CSGALNACT1: variants seen among roughly 807,000 people sequenced by gnomAD.
The protein encoded by CSGALNACT1 is beta4GalNAcT-1.
A neutral mutation model predicts 51.0 loss-of-function variants in CSGALNACT1; 52 were observed. The ratio of observed to expected loss-of-function variants is 1.02; its 90% CI spans 0.82 to 1.29. The LOEUF (loss-of-function observed/expected upper bound fraction) is 1.29, where lower values mean the gene tolerates loss of function less well. CSGALNACT1 is among the 50% of genes most tolerant of loss of function. CSGALNACT1 has a pLI of 0.00. For synonymous variants in CSGALNACT1, 341 were observed against 254.4 expected, an observed-to-expected ratio of 1.34 and a Z score of -3.24; for missense variants, 935 against 679.2, an observed-to-expected ratio of 1.38 and a Z score of -4.19.
At chr8:19,655,683 T>G (rs113727809) in intron 1 of CSGALNACT1, among the ~76,000 whole-genome samples, 7 of 152,160 alleles carry the variant, frequency 4.6e-5, no homozygotes, top group African/African-American at 1.7e-4. Flanking sequence ...CTCTCAAAGT[T>G]CTGGGATTAC....
At chr8:19,497,275 G>C (rs1333912772) in intron 4 of CSGALNACT1, among the ~76,000 whole-genome samples, 1 of 152,132 alleles carries the variant, frequency 6.6e-6, no homozygotes, top group African/African-American at 2.4e-5. Flanking sequence ...GAAGTACAGA[G>C]ACCTTCTCTG....
At position 19,466,473 on chromosome 8, in the gene CSGALNACT1, C is replaced by T. The variant is rs556099498; in HGVS notation, c.635-7831G>A. On this transcript the variant is annotated intron_variant, in intron 4 of 9. Coordinates refer to ENST00000454498, the Ensembl canonical transcript of CSGALNACT1. ...CTGCTTACTCTGTTCAAAAAAGGAA[C>T]CGGTAAATGCTTAGTATTTTACTCT... Among the ~76,000 whole-genome samples the T allele has an allele frequency of 3.3e-5, 5 of 152,276 alleles. No homozygotes were observed. The East Asian group carries it at 9.6e-4, about 29-fold the overall frequency.
At chr8:19,420,176 G>A (rs540334204) in intron 7 of CSGALNACT1, among the ~76,000 whole-genome samples, 164 bp downstream of exon 6, 132 of 152,172 alleles carry the variant, frequency 8.7e-4, no homozygotes, top group African/African-American at 2.8e-3. Context: ...TTTATTAGCC[G>A]CGTGAGAACA....
At chr8:19,662,512 C>T (rs185867575) in intron 1 of CSGALNACT1, among the ~76,000 whole-genome samples, 2 of 152,320 alleles carry the variant, frequency 1.3e-5, no homozygotes, top group Middle Eastern at 3.4e-3. Context: ...GAAAAAGGTT[C>T]ACATCATCTA....
chr8:19,612,900 G>A (rs78608664), intron 1 of CSGALNACT1, among the ~76,000 whole-genome samples: 3,163 of 119,652 alleles, frequency 0.026, 132 homozygotes, highest in African/African-American at 0.092. Context: ...TTCAGCACCC[G>A]TAAAACCTTC....
At chr8:19,695,033 C>T (rs2061517160) in intron 1 of CSGALNACT1, among the ~76,000 whole-genome samples, 1 of 152,116 alleles carries the variant, frequency 6.6e-6, no homozygotes. Flanking sequence ...CAGCTCACTC[C>T]TCCTCTGCTC....
chr8:19,636,016 C>T (rs930453060), intron 1 of CSGALNACT1, among the ~76,000 whole-genome samples: 1 of 152,132 alleles, frequency 6.6e-6, no homozygotes, highest in Non-Finnish European at 1.5e-5. Flanking sequence ...AGGCATGAGC[C>T]TGTTCATTCA....
Position 19,676,956 on chromosome 8 carries a change from A to C in CSGALNACT1, c.-544+5517T>G, listed in dbSNP as rs552189994. Among the ~76,000 whole-genome samples the C allele has an allele frequency of 7.9e-5, 12 of 152,338 alleles. No individual in the cohort carries two copies. In the South Asian group the frequency reaches 2.5e-3, roughly 32 times the overall value. On this transcript the variant is annotated intron_variant, in intron 1 of 9. Coordinates refer to the CSGALNACT1 transcript ENST00000332246. The stretch of plus-strand genomic sequence containing the variant: ...TGGATTTGACAATGAAAGAGTTATT[A>C]GTAGCATTGACAAGACCAGTCTCGT...
chr8:19,567,375 T>C (rs77870986), intron 3 of CSGALNACT1, among the ~76,000 whole-genome samples: 3,135 of 152,276 alleles, frequency 0.021, 116 homozygotes, highest in African/African-American at 0.072. Flanking sequence ...AAATATTATG[T>C]TAATGAGAGT....
chr8:19,562,677 A>G (rs749473419), intron 3 of CSGALNACT1, among the ~76,000 whole-genome samples: 1 of 152,252 alleles, frequency 6.6e-6, no homozygotes, highest in Non-Finnish European at 1.5e-5. Flanking sequence ...ACATATGAAG[A>G]AAAGCTCAAC....
At chr8:19,669,852 A>G (rs2059655086) in intron 1 of CSGALNACT1, among the ~76,000 whole-genome samples, 1 of 152,200 alleles carries the variant, frequency 6.6e-6, no homozygotes, top group Non-Finnish European at 1.5e-5. Context: ...TTATTGCAGC[A>G]TGAAGGCCCT....
At chr8:19,599,725 T>C (rs1003724241) in intron 2 of CSGALNACT1, among the ~76,000 whole-genome samples, 8 of 152,218 alleles carry the variant, frequency 5.3e-5, no homozygotes, top group South Asian at 2.1e-4. Context: ...CAGGGAACAC[T>C]TGGGGAACCT....
At chr8:19,414,781 GCA>G (rs2056551684) in intron 8 of CSGALNACT1, among the ~76,000 whole-genome samples, 1 of 152,176 alleles carries the variant, frequency 6.6e-6, no homozygotes, top group Non-Finnish European at 1.5e-5. Context: ...CATTAGAGCA[GCA>G]TTCTGGATCT....
At chr8:19,546,696 T>C (rs2086560290) in intron 3 of CSGALNACT1, among the ~76,000 whole-genome samples, 1 of 152,214 alleles carries the variant, frequency 6.6e-6, no homozygotes, top group Non-Finnish European at 1.5e-5. Context: ...ACAATAAATA[T>C]TCTTGTTGCT....
At chr8:19,738,050 G>C (rs1324875181) in intron 1 of CSGALNACT1, among the ~76,000 whole-genome samples, 1 of 152,156 alleles carries the variant, frequency 6.6e-6, no homozygotes, top group East Asian at 1.9e-4. Context: ...ATTTTGTTAT[G>C]TGTATTTTGC....
At chr8:19,596,259 A>C (rs1040519989) in intron 2 of CSGALNACT1, among the ~76,000 whole-genome samples, 1 of 152,146 alleles carries the variant, frequency 6.6e-6, no homozygotes, top group African/African-American at 2.4e-5. Flanking sequence ...GAACATTCTG[A>C]AATTGCATTC....
At chr8:19,627,908 C>G (rs1052936949) in intron 1 of CSGALNACT1, among the ~76,000 whole-genome samples, 5 of 152,124 alleles carry the variant, frequency 3.3e-5, no homozygotes, top group Admixed American at 1.3e-4. Flanking sequence ...GAAACAATAT[C>G]CATGTCTTGG....
At chr8:19,672,816 A>G (rs17128819) in intron 1 of CSGALNACT1, among the ~76,000 whole-genome samples, 20,449 of 152,266 alleles carry the variant, frequency 0.13, 1,682 homozygotes, top group East Asian at 0.38. Flanking sequence ...TTAGTGAACA[A>G]GAAAATACTG....
chr8:19,690,872 C>G (rs943662517), intron 1 of CSGALNACT1, among the ~76,000 whole-genome samples: 5 of 152,294 alleles, frequency 3.3e-5, no homozygotes, highest in Admixed American at 3.3e-4. Context: ...AAAGATTTCA[C>G]GACTCTGTGA....
Sources: allele counts gnomAD v4.1 joint callset (sites outside exome capture counted in the v4.1 genomes callset), GRCh38; gene constraint gnomAD v4.1.1; transcripts MANE v1.5; gene names NCBI Gene and HGNC (gene_info 2026-07-23, HGNC 2026-07-21).